Variants in GSE1 observed in about 807,000 individuals in gnomAD.
The protein encoded by GSE1 is Gse1 coiled-coil protein, also known as genetic suppressor element 1.
In GSE1, 32 loss-of-function variants were observed where a neutral mutation model predicts 112.6. The ratio of observed to expected loss-of-function variants is 0.28; its 90% CI spans 0.21 to 0.38. The LOEUF is 0.38. Among genes scored for constraint, GSE1 ranks in the 10% least tolerant of loss-of-function variants. GSE1 has a pLI of 1.00. For missense variants in GSE1, 2,348 were observed against 1,699.2 expected (o/e 1.38, Z -6.71); for synonymous variants, 1,115 against 735.6 (o/e 1.52, Z -8.35).
At position 85,603,574 on chromosome 16, in the gene GSE1, C is replaced by A. The variant is rs561924383; in HGVS notation, c.38-44978C>A. 2.0e-5 allele frequency among the ~76,000 whole-genome samples: 3 copies of A among 152,330 alleles called. No homozygotes were observed. The East Asian group carries it at 5.8e-4, about 29-fold the overall frequency. On this transcript the variant is annotated intron_variant, in intron 1 of 2. Coordinates refer to the GSE1 transcript ENST00000635906. ...GTGGTGCAGTGGTGCGGTCATGGCT[C>A]ACTGCAGCCTCAACCTCTCAGGCTC...
chr16:85,380,514 C>G (rs555378968), intron 2 of GSE1, among the ~76,000 whole-genome samples: 97 of 151,964 alleles, frequency 6.4e-4, no homozygotes, highest in African/African-American at 2.2e-3. Context: ...AGGACACCCC[C>G]CCTCCACCCG....
chr16:85,560,424 A>T (rs900405906), intron 1 of GSE1, among the ~76,000 whole-genome samples: 1 of 152,124 alleles, frequency 6.6e-6, no homozygotes, highest in Non-Finnish European at 1.5e-5. Flanking sequence ...CACCTGGCCA[A>T]GTCATAGAGC....
intron 1 of GSE1, among the ~76,000 whole-genome samples, chr16:85,243,254 T>C (rs1211527456): frequency 6.6e-6 from 1 of 152,238 alleles, no homozygotes; most frequent in African/African-American, 2.4e-5. Flanking sequence ...AAGTCCAAAG[T>C]GCAAAATCAT....
chr16:85,668,091 C>T (rs1481622653), intron 13 of GSE1, 49 bp from the exon 14 acceptor site: 2 of 1,437,890 alleles, frequency 1.4e-6, no homozygotes, highest in East Asian at 2.3e-5. Context: ...AGACAGCACC[C>T]TGTGTCCCTT....
chr16:85,308,158 C>T (rs2045732439), intron 1 of GSE1, among the ~76,000 whole-genome samples: 2 of 152,140 alleles, frequency 1.3e-5, no homozygotes, highest in African/African-American at 4.8e-5. Context: ...TGTATTTCAC[C>T]TAGAACGCTG....
chr16:85,497,689 C>G (rs2051226108), intron 2 of GSE1, among the ~76,000 whole-genome samples: 1 of 152,164 alleles, frequency 6.6e-6, no homozygotes, highest in Non-Finnish European at 1.5e-5. Flanking sequence ...TACATAATGT[C>G]CTATGCATGG....
At chr16:85,427,597 G>A (rs760915430) in intron 2 of GSE1, among the ~76,000 whole-genome samples, 24 of 152,126 alleles carry the variant, frequency 1.6e-4, no homozygotes, top group African/African-American at 5.3e-4. Flanking sequence ...AACCAAGATC[G>A]CGCCACTGCA....
intron 1 of GSE1, among the ~76,000 whole-genome samples, chr16:85,232,713 T>C (rs114954937): frequency 6.6e-6 from 1 of 152,364 alleles, no homozygotes; most frequent in African/African-American, 2.4e-5. Context: ...CCACTGTATG[T>C]GGCTCTTCTG....
Position 85,286,902 on chromosome 16 carries a change from AG to A in GSE1, c.2284-70558del, listed in dbSNP as rs533114255. ...TCCCATAGTATGGGCTCCGTGGGCT[AG>A]GGCCGGGTCGGAAGCAGCTCTGGTG... On this transcript the variant is annotated intron_variant, in intron 1 of 2. Transcript: ENST00000637419. 4.1e-3 allele frequency among the ~76,000 whole-genome samples: 628 copies of A among 152,322 alleles called. 3 individuals carry two copies. Among genetic ancestry groups the A allele is most frequent in the Admixed American group, 4.8e-3 (73 of 15,306 alleles).
chr16:85,373,298 C>G lies in GSE1; in HGVS notation c.2464+15655C>G, dbSNP rs1314441390. Among the ~76,000 whole-genome samples the G allele has an allele frequency of 2.0e-5, 3 of 152,260 alleles. No individual in the cohort carries two copies. Among genetic ancestry groups the G allele is most frequent in the African/African-American group, 7.2e-5 (3 of 41,470 alleles). ...ACGCGCTCTCCCTCCACCCCTTTGT[C>G]TCAAACAGCCAGGCTGTTGGGGTGC... On this transcript the variant is annotated intron_variant, in intron 2 of 2. Coordinates refer to the GSE1 transcript ENST00000637419. This position sits in a 1 kb window ranked among gnomAD's most constrained non-coding sequence, Gnocchi z 5.1.
At chr16:85,446,514 G>T (rs994694798) in intron 2 of GSE1, among the ~76,000 whole-genome samples, 1 of 152,208 alleles carries the variant, frequency 6.6e-6, no homozygotes, top group African/African-American at 2.4e-5. Context: ...GGAGCCCCCG[G>T]TGGGCCCAGC....
chr16:85,521,806 C>G (rs1430279502), intron 2 of GSE1, among the ~76,000 whole-genome samples: 1 of 152,238 alleles, frequency 6.6e-6, no homozygotes. Flanking sequence ...GTTCTCACCC[C>G]ATAAAATCCG....
chr16:85,234,062 C>G (rs954399543), intron 1 of GSE1, among the ~76,000 whole-genome samples: 1 of 152,128 alleles, frequency 6.6e-6, no homozygotes, highest in African/African-American at 2.4e-5. Flanking sequence ...TAGGACAAGA[C>G]CAGGGCGAGG....
rs2053033421 is a variant in GSE1 at position 85,668,156 on chromosome 16, G to A, written c.3147G>A (p.Leu1049=). The A allele has an allele frequency of 6.3e-7, 1 of 1,591,020 alleles. No individual in the cohort carries two copies. Among genetic ancestry groups the A allele is most frequent in the Non-Finnish European group, 8.6e-7 (1 of 1,166,030 alleles). The part of the protein sequence containing the change: ...LQKHKGSVAV[L]SAEQNHKVDT... The stretch of plus-strand genomic sequence containing the variant: ...CCTCCACAGGGAGCGTGGCTGTGCT[G>A]TCTGCAGAGCAGAACCACAAGGTTG... Residue 1049 remains leucine (L), a synonymous_variant, in exon 14 of 16, where the codon CTG becomes CTA. Transcript: ENST00000253458.
chr16:85,634,046 G>A lies in GSE1; in HGVS notation c.140G>A (p.Ser47Asn). 1 of 1,609,722 alleles carries A rather than the reference G, an allele frequency of 6.2e-7. No individual in the cohort carries two copies. Among genetic ancestry groups the A allele is most frequent in the Non-Finnish European group, 8.5e-7 (1 of 1,178,182 alleles). The change falls in exon 2 of 16, where the codon AGC becomes AAC. Residue 47 changes from serine (S) to asparagine (N), a missense_variant. Coordinates refer to ENST00000253458, the MANE Select transcript of GSE1 (RefSeq NM_014615.5). ...GTGCCCAGCGGCAGCCCCGCCACCA[G>A]CAGCGCGCTGTCGGCCCAGGCCGCG... Reference protein sequence around the residue: ...ALVPSGSPATSSALSAQAAPS... With the variant: ...ALVPSGSPATNSALSAQAAPS...
chr16:85,544,752 C>A (rs759060413), intron 2 of GSE1, among the ~76,000 whole-genome samples: 5 of 152,230 alleles, frequency 3.3e-5, no homozygotes, highest in Non-Finnish European at 7.3e-5. Context: ...CCAGCAGACC[C>A]CAGCAGCGGA....
At chr16:85,408,780 G>C (rs1447996005) in intron 2 of GSE1, among the ~76,000 whole-genome samples, 1 of 63,324 alleles carries the variant, frequency 1.6e-5, no homozygotes, top group Non-Finnish European at 3.1e-5. Flanking sequence ...TTGCACTCAG[G>C]GTCCCTCTGA....
At position 85,673,203 on chromosome 16, in the gene GSE1, G is replaced by A. The variant is rs1019954023; in HGVS notation, c.*664G>A. The A allele has an allele frequency of 5.9e-5, 9 of 152,532 alleles. No individual in the cohort carries two copies. Among genetic ancestry groups the A allele is most frequent in the African/African-American group, 2.2e-4 (9 of 41,414 alleles). The allele number at this position is 152,532 out of a possible 1,614,324, so 9.4% of individuals were successfully genotyped here. On this transcript the variant is annotated 3_prime_UTR_variant, in exon 16 of 16. Coordinates refer to ENST00000253458, the MANE Select transcript of GSE1 (RefSeq NM_014615.5). Reference sequence around the variant, plus strand: ...GTAGCTTTTTATTACTCCGTGGGGAGCATGTACAGAGCTCTGTGTATACAC... The same window carrying A: ...GTAGCTTTTTATTACTCCGTGGGGAACATGTACAGAGCTCTGTGTATACAC...
chr16:85,402,027 T>C (rs1265373622), intron 2 of GSE1, among the ~76,000 whole-genome samples: 2 of 152,228 alleles, frequency 1.3e-5, no homozygotes, highest in Non-Finnish European at 2.9e-5. Flanking sequence ...TTTTCAGAAC[T>C]GGAGCCCGGA....
Sources: gnomAD v4.1 joint callset for allele counts (sites outside exome capture counted in the v4.1 genomes callset) on GRCh38, gnomAD v4.1.1 for gene constraint, Gnocchi (gnomAD v3.1) non-coding constraint, MANE v1.5 for transcripts, NCBI Gene and HGNC (gene_info 2026-07-23, HGNC 2026-07-21) for gene names.